The following WWP1 variants were observed in gnomAD, a reference collection of about 807,000 sequenced individuals.
The protein encoded by WWP1 is NEDD4-like E3 ubiquitin-protein ligase WWP1.
In WWP1, 49 loss-of-function variants were observed where a neutral mutation model predicts 130.6. The observed-to-expected ratio is 0.38, with a 90% confidence interval of 0.30 to 0.48. WWP1 has a LOEUF of 0.48. WWP1 is among the 20% of genes least tolerant of loss of function. The pLI is 0.99. For missense variants in WWP1, 809 were observed against 1,100.6 expected (o/e 0.74, Z 3.75); for synonymous variants, 332 against 367.8 (o/e 0.90, Z 1.11).
At chr8:86,429,648 G>A (rs1436785318) in intron 11 of WWP1, among the ~76,000 whole-genome samples, 1 of 152,130 alleles carries the variant, frequency 6.6e-6, no homozygotes, top group East Asian at 1.9e-4. Flanking sequence ...TACTGGAGTT[G>A]AGTGTTAGTT....
chr8:86,412,061 C>G (rs1808616941), intron 9 of WWP1, among the ~76,000 whole-genome samples, 187 bp downstream of exon 9: 1 of 152,188 alleles, frequency 6.6e-6, no homozygotes, highest in African/African-American at 2.4e-5. Flanking sequence ...AATTGCTCAT[C>G]TGGTTGACAT....
intron 1 of WWP1, among the ~76,000 whole-genome samples, chr8:86,354,400 C>T (rs1823136606): frequency 6.6e-6 from 1 of 152,036 alleles, no homozygotes; most frequent in African/African-American, 2.4e-5. Flanking sequence ...AATAAATAGC[C>T]ACACATCAGG....
intron 11 of WWP1, 130 bp from the exon 12 acceptor site, chr8:86,430,567 G>A: frequency 1.7e-6 from 1 of 601,958 alleles, no homozygotes; most frequent in Non-Finnish European, 2.5e-6. Context: ...ATGAGCCACT[G>A]CGCCCAACCC....
intron 1 of WWP1, among the ~76,000 whole-genome samples, chr8:86,348,864 T>C (rs1822753312): frequency 6.6e-6 from 1 of 152,216 alleles, no homozygotes; most frequent in Non-Finnish European, 1.5e-5. Context: ...CCATTTTCTT[T>C]GTTACAGTTT....
chr8:86,439,532 T>C (rs1810484607), intron 17 of WWP1, among the ~76,000 whole-genome samples: 1 of 152,134 alleles, frequency 6.6e-6, no homozygotes, highest in African/African-American at 2.4e-5. Context: ...TACAATATTC[T>C]GTTGTATGGA....
At chr8:86,430,833 G>C (rs1210544945) in intron 12 of WWP1, 82 bp downstream of exon 12, 3 of 373,314 alleles carry the variant, frequency 8.0e-6, no homozygotes, top group Non-Finnish European at 1.1e-5. Context: ...ATATATATAT[G>C]TTCCTTATTT....
At position 86,448,400 on chromosome 8, in the gene WWP1, A is replaced by T. The variant is rs1408692748; in HGVS notation, c.2160A>T (p.Leu720Phe). ...IRDNNIEECGLEMYFSVDMEI... is the reference protein window; with the variant it reads ...IRDNNIEECGFEMYFSVDMEI... ...ATAACAACATTGAAGAATGTGGCTT[A>T]GAAATGTACTTTTCTGTTGACATGG... Residue 720 changes from leucine to phenylalanine, a missense_variant, in exon 20 of 25, where the codon TTA becomes TTT. This residue lies in a region of WWP1 where 450 missense variants were observed against 674.2 expected (regional missense o/e 0.67). Transcript: ENST00000517970. 2.5e-6 allele frequency: 4 copies of T among 1,613,570 alleles called. No homozygotes were observed. The South Asian group carries it at 3.3e-5, about 13-fold the overall frequency.
chr8:86,403,347 G>A (rs570545674), intron 8 of WWP1, among the ~76,000 whole-genome samples: 1 of 152,278 alleles, frequency 6.6e-6, no homozygotes, highest in South Asian at 2.1e-4. Flanking sequence ...CCAGGCTAGA[G>A]GGCAGTGGCA....
chr8:86,427,383 A>T (rs1271353232), intron 10 of WWP1, among the ~76,000 whole-genome samples: 1 of 152,020 alleles, frequency 6.6e-6, no homozygotes, highest in African/African-American at 2.4e-5. Flanking sequence ...TGTATCCCAG[A>T]ACTTAAAGTA....
chr8:86,416,486 G>C (rs1228534219), intron 9 of WWP1, among the ~76,000 whole-genome samples: 1 of 151,996 alleles, frequency 6.6e-6, no homozygotes, highest in African/African-American at 2.4e-5. Context: ...GCCAACCCCT[G>C]TTATATAAGT....
chr8:86,445,263 T>G (rs1810798193), intron 18 of WWP1, among the ~76,000 whole-genome samples: 1 of 152,178 alleles, frequency 6.6e-6, no homozygotes, highest in Non-Finnish European at 1.5e-5. Flanking sequence ...TGCTGAGATT[T>G]GGGGTATGAT....
intron 1 of WWP1, among the ~76,000 whole-genome samples, chr8:86,367,792 C>G (rs1824055914): frequency 6.6e-6 from 1 of 152,192 alleles, no homozygotes; most frequent in African/African-American, 2.4e-5. Context: ...TGATAAAAGT[C>G]ATACCACTAT....
chr8:86,438,789 G>T, intron 17 of WWP1, 116 bp downstream of exon 17: 4 of 823,452 alleles, frequency 4.9e-6, no homozygotes, highest in Non-Finnish European at 5.3e-6. Context: ...TAACAATCCA[G>T]AATTTTTCTC....
chr8:86,424,272 C>G (rs1268479520), intron 9 of WWP1, among the ~76,000 whole-genome samples: 1 of 151,744 alleles, frequency 6.6e-6, no homozygotes, highest in Non-Finnish European at 1.5e-5. Flanking sequence ...ACACTCCTCA[C>G]TTCCTGGACA....
At chr8:86,423,840 C>T (rs1296772216) in intron 9 of WWP1, among the ~76,000 whole-genome samples, 8 of 136,948 alleles carry the variant, frequency 5.8e-5, no homozygotes, top group East Asian at 4.7e-4. Context: ...GACGGGGCGG[C>T]GGCTGGGCAG....
At chr8:86,431,781 T>C in intron 14 of WWP1, 38 bp downstream of exon 14, 2 of 1,609,468 alleles carry the variant, frequency 1.2e-6, no homozygotes, top group Non-Finnish European at 1.7e-6. Context: ...AAATATTGCT[T>C]AGTGAGCACA....
chr8:86,442,860 A>G, intron 18 of WWP1, 82 bp downstream of exon 18: 1 of 1,403,254 alleles, frequency 7.1e-7, no homozygotes, highest in Non-Finnish European at 9.5e-7. Flanking sequence ...AAAAAAGGAT[A>G]AGCATTATAT....
In WWP1 at chr8:86,380,742, TAAAAG is replaced by T. The variant is rs757827524; in HGVS notation, c.92_96del (p.Arg31LysfsTer26). ...GTCTGTTAGTTTCTAGTGCCAAACT[TAAAAG>T]AAAAAAGAACTGGTTCGGAACAGCA... On this transcript the variant is annotated frameshift_variant, in exon 4 of 25. Transcript: ENST00000517970. LOFTEE classifies it high-confidence loss of function. 2 of 1,608,850 alleles carry T rather than the reference TAAAAG, an allele frequency of 1.2e-6. No individual in the cohort carries two copies. The highest frequency in any genetic ancestry group is 8.5e-7 in the Non-Finnish European group (1 of 1,178,554).
At chr8:86,357,551 A>C (rs1411028205) in intron 1 of WWP1, among the ~76,000 whole-genome samples, 1 of 152,228 alleles carries the variant, frequency 6.6e-6, no homozygotes, top group Admixed American at 6.5e-5. Flanking sequence ...TGTATTAAAC[A>C]CTTCCAGTAT....
Sources: gnomAD v4.1 joint callset for allele counts (sites outside exome capture counted in the v4.1 genomes callset) on GRCh38, gnomAD v4.1.1 for gene constraint, gnomAD v4.1.1 regional missense constraint, MANE v1.5 for transcripts, NCBI Gene and HGNC (gene_info 2026-07-23, HGNC 2026-07-21) for gene names.